The following XIRP2 variants were observed in gnomAD, a reference collection of about 807,000 sequenced individuals.
XIRP2 encodes the protein xin actin binding repeat containing 2.
XIRP2 carries 236 observed loss-of-function variants against 277.0 expected under a neutral mutation model. The observed-to-expected ratio is 0.85, with a 90% confidence interval of 0.77 to 0.95. XIRP2 has a LOEUF of 0.95. XIRP2 is among the 40% of genes least tolerant of loss of function. XIRP2 has a pLI of 0.00. For missense variants in XIRP2, 4,640 were observed against 4,157.5 expected (o/e 1.12, Z -3.19); for synonymous variants, 1,490 against 1,416.5 (o/e 1.05, Z -1.17).
chr2:167,189,148 A>G (rs1006556312), intron 3 of XIRP2, among the ~76,000 whole-genome samples: 5 of 152,046 alleles, frequency 3.3e-5, no homozygotes, highest in African/African-American at 9.7e-5. Flanking sequence ...TATTCTTTTT[A>G]CTTACTTGGT....
intron 3 of XIRP2, among the ~76,000 whole-genome samples, chr2:167,174,271 A>G (rs1692776880): frequency 1.3e-5 from 2 of 152,182 alleles, no homozygotes. Flanking sequence ...GTAGGCTATT[A>G]ATTACTGCCT....
chr2:167,101,547 A>G lies in XIRP2; in HGVS notation c.409-34362A>G, dbSNP rs1283390334. ...TTTGTATCCTCATAGCTTAGCTCCC[A>G]GTTATGAGTGAGAACACACGATGTT... On this transcript the variant is annotated intron_variant, in intron 2 of 10. Coordinates refer to ENST00000409195, the MANE Select transcript of XIRP2 (RefSeq NM_152381.6). Among the ~76,000 whole-genome samples the G allele has an allele frequency of 3.9e-5, 6 of 152,262 alleles. 1 individual carries two copies. In the South Asian group the frequency reaches 1.0e-3, roughly 26 times the overall value.
chr2:167,231,721 A>G (rs534323763), intron 5 of XIRP2, among the ~76,000 whole-genome samples: 1 of 152,110 alleles, frequency 6.6e-6, no homozygotes, highest in South Asian at 2.1e-4. Flanking sequence ...TATACTGATC[A>G]TCTCCATCTT....
chr2:167,146,507 A>AAAAG lies in XIRP2; in HGVS notation c.562+10465_562+10468dup, dbSNP rs1303700926. 1.0e-3 allele frequency among the ~76,000 whole-genome samples: 159 copies of AAAAG among 151,728 alleles called. 1 individual carries two copies. Among genetic ancestry groups the AAAAG allele is most frequent in the Non-Finnish European group, 1.1e-3 (76 of 67,904 alleles). On this transcript the variant is annotated intron_variant, in intron 3 of 10. Coordinates refer to ENST00000409195, the MANE Select transcript of XIRP2 (RefSeq NM_152381.6). Reference sequence around the variant, plus strand: ...CAGAACAAGACTCTGTCTCAAAAAAAAAAGAAAGAAAGAAAGAAAGAAATT... The same window carrying AAAAG: ...CAGAACAAGACTCTGTCTCAAAAAAAAAAGAAAGAAAGAAAGAAAGAAAGAAATT...
In XIRP2 at chr2:167,250,743, C is replaced by T. The variant is rs1241155334; in HGVS notation, c.9351C>T (p.Arg3117=). The change falls in exon 9 of 11, where the codon CGC becomes CGT. Residue 3117 remains arginine, a synonymous_variant. Transcript: ENST00000409195. ...TTCCTCCTCCCTCTTTAAAAACACG[C>T]CCACCGTCACCAACTTTTATCACAA... ...SNIPPPSLKT[R]PPSPTFITIE... is the part of the protein sequence containing the mutation. 2 of 1,613,246 alleles carry T rather than the reference C, an allele frequency of 1.2e-6. No homozygotes were observed. Among genetic ancestry groups the T allele is most frequent in the African/African-American group, 2.7e-5 (2 of 74,752 alleles).
chr2:166,982,510 C>A (rs1186958170), intron 2 of XIRP2, among the ~76,000 whole-genome samples: 1 of 151,612 alleles, frequency 6.6e-6, no homozygotes. Flanking sequence ...GAAGACTAGA[C>A]CTCTATCATG....
chr2:167,210,547 T>C (rs1386690000), intron 3 of XIRP2, among the ~76,000 whole-genome samples, 188 bp from the exon 4 acceptor site: 2 of 152,218 alleles, frequency 1.3e-5, no homozygotes, highest in Non-Finnish European at 2.9e-5. Flanking sequence ...TTTATGCTGT[T>C]ATACACACAT....
intron 2 of XIRP2, among the ~76,000 whole-genome samples, chr2:167,019,554 G>C (rs549113284): frequency 1.3e-5 from 2 of 152,094 alleles, no homozygotes; most frequent in South Asian, 4.1e-4. Flanking sequence ...AAAAGAACAA[G>C]GCAATAAAGT....
Position 167,024,405 on chromosome 2 carries a change from A to C in XIRP2, c.409-111504A>C, listed in dbSNP as rs1050732961. On this transcript the variant is annotated intron_variant, in intron 2 of 10. Coordinates refer to ENST00000409195, the MANE Select transcript of XIRP2 (RefSeq NM_152381.6). ...GCAATCATGTCATCTGCAAACAGGG[A>C]CAATTTGACTTCCTCTTTTCCTAAT... 3.3e-5 allele frequency among the ~76,000 whole-genome samples: 5 copies of C among 152,070 alleles called. No individual in the cohort carries two copies. The East Asian group carries it at 7.7e-4, about 24-fold the overall frequency.
intron 3 of XIRP2, among the ~76,000 whole-genome samples, chr2:167,185,855 C>A (rs1693138660): frequency 6.6e-6 from 1 of 152,084 alleles, no homozygotes; most frequent in Non-Finnish European, 1.5e-5. Flanking sequence ...CTTCATAACA[C>A]CAATGGAAGG....
At position 167,015,079 on chromosome 2, in the gene XIRP2, C is replaced by G. The variant is rs1687784393; in HGVS notation, c.408+111189C>G. On this transcript the variant is annotated intron_variant, in intron 2 of 10. Transcript: ENST00000409195. ...GCTCCTATTTCTGCAAAAATGAGTT[C>G]TTTCCCAAGACTCACCTTTGACCAC... is the stretch of plus-strand genomic sequence containing the variant. Among the ~76,000 whole-genome samples the G allele has an allele frequency of 2.6e-5, 4 of 151,932 alleles. No individual in the cohort carries two copies. In the Middle Eastern group the frequency reaches 0.01, roughly 388 times the overall value.
chr2:166,920,905 C>T (rs1175853419), intron 2 of XIRP2, among the ~76,000 whole-genome samples: 2 of 152,044 alleles, frequency 1.3e-5, no homozygotes, highest in African/African-American at 4.8e-5. Flanking sequence ...GTCCAGAGGC[C>T]TTACTCTTGG....
Position 167,258,604 on chromosome 2 carries a change from A to T in XIRP2, c.*787A>T. On this transcript the variant is annotated 3_prime_UTR_variant, in exon 11 of 11. Coordinates refer to ENST00000409195, the MANE Select transcript of XIRP2 (RefSeq NM_152381.6). The stretch of plus-strand genomic sequence containing the variant: ...ACCAAACTAATGGTGCAGAAGTTTT[A>T]CAGGTTACTAACACTGATGATGAGA... The T allele has an allele frequency of 6.2e-7, 1 of 1,613,188 alleles. No individual in the cohort carries two copies. The highest frequency in any genetic ancestry group is 8.5e-7 in the Non-Finnish European group (1 of 1,179,570).
intron 3 of XIRP2, among the ~76,000 whole-genome samples, chr2:167,205,971 A>C (rs963535976): frequency 1.3e-5 from 2 of 152,142 alleles, no homozygotes; most frequent in African/African-American, 4.8e-5. Context: ...ATGGTTATCA[A>C]CTTGGACCCA....
chr2:167,111,026 C>G (rs1269419996), intron 2 of XIRP2, among the ~76,000 whole-genome samples: 2 of 152,030 alleles, frequency 1.3e-5, no homozygotes, highest in Non-Finnish European at 2.9e-5. Context: ...GATTTTGTAT[C>G]CTGATGAAAT....
In XIRP2 at chr2:167,249,751, G is replaced by A; in HGVS notation, c.8359G>A (p.Glu2787Lys). Residue 2787 changes from glutamate (E) to lysine (K), a missense_variant, in exon 9 of 11, where the codon GAA (glutamate) becomes AAA (lysine). By Grantham distance (56) the Glu-to-Lys change is moderately conservative. Coordinates refer to ENST00000409195, the MANE Select transcript of XIRP2 (RefSeq NM_152381.6). ...AAGAGTGACAGTACAATTGCCTACA[G>A]AATCCATACAGAAGAACCAGGAAGA... ...EKRVTVQLPTESIQKNQEDKL... is the reference protein window; with the variant it reads ...EKRVTVQLPTKSIQKNQEDKL... The A allele has an allele frequency of 5.0e-6, 8 of 1,613,270 alleles. No individual in the cohort carries two copies. The highest frequency in any genetic ancestry group is 5.9e-6 in the Non-Finnish European group (7 of 1,179,708).
intron 2 of XIRP2, among the ~76,000 whole-genome samples, chr2:167,047,794 C>T (rs540748686): frequency 1.3e-5 from 2 of 151,988 alleles, no homozygotes; most frequent in Admixed American, 1.3e-4. Context: ...AATATAATTA[C>T]TCCCTCAAAG....
At chr2:166,916,406 G>T (rs1490530427) in intron 2 of XIRP2, among the ~76,000 whole-genome samples, 1 of 152,084 alleles carries the variant, frequency 6.6e-6, no homozygotes, top group African/African-American at 2.4e-5. Flanking sequence ...TGTTTCTGAG[G>T]TAACTTCTGT....
At chr2:167,034,939 T>A (rs1427771861) in intron 2 of XIRP2, among the ~76,000 whole-genome samples, 2 of 152,152 alleles carry the variant, frequency 1.3e-5, no homozygotes, top group Admixed American at 1.3e-4. Flanking sequence ...GTCTTTCCCA[T>A]GCTATTCTTG....
Sources: allele counts gnomAD v4.1 joint callset (sites outside exome capture counted in the v4.1 genomes callset), GRCh38; gene constraint gnomAD v4.1.1; transcripts MANE v1.5; gene names NCBI Gene and HGNC (gene_info 2026-07-23, HGNC 2026-07-21).